The following UVSSA variants were observed in gnomAD, a reference collection of about 807,000 sequenced individuals.
The protein encoded by UVSSA is UV-stimulated scaffold protein A.
Under a neutral mutation model 73.9 loss-of-function variants are expected in UVSSA, and 72 were observed. That is an observed-to-expected ratio of 0.97 (90% confidence interval 0.81 to 1.19). The LOEUF is 1.19. Among genes scored for constraint, UVSSA ranks in the 50% most tolerant of loss-of-function variants. The pLI is 0.00. For synonymous variants in UVSSA, 454 were observed against 391.3 expected (o/e 1.16, Z -1.89); for missense variants, 1,150 against 965.0 (o/e 1.19, Z -2.54).
chr4:1,348,304 G>A, intron 2 of UVSSA, 115 bp downstream of exon 2: 2 of 799,330 alleles, frequency 2.5e-6, no homozygotes, highest in Non-Finnish European at 2.1e-6. Context: ...ACACACCCAG[G>A]ACATTTTCTC....
At chr4:1,357,668 C>T (rs1054637553) in intron 7 of UVSSA, among the ~76,000 whole-genome samples, 6 of 152,194 alleles carry the variant, frequency 3.9e-5, no homozygotes, top group African/African-American at 1.4e-4. Flanking sequence ...GCAGACTCCC[C>T]CTGTGTGCCA....
In UVSSA at chr4:1,375,418, C is replaced by T. The variant is rs201913293; in HGVS notation, c.1343C>T (p.Thr448Met). The T allele has an allele frequency of 1.6e-4, 256 of 1,613,428 alleles. 3 individuals are homozygous for T. The highest frequency in any genetic ancestry group is 3.3e-5 in the South Asian group (3 of 91,080). Residue 448 changes from threonine (T) to methionine (M), a missense_variant, in exon 9 of 14, where the codon ACG becomes ATG. Physicochemically the swap from Thr to Met is moderately conservative, Grantham distance 81. Coordinates refer to ENST00000389851, the MANE Select transcript of UVSSA (RefSeq NM_020894.4). ...DTVVRCLRTR[T>M]RMDEEVSDPT... ...GTTGTGCGGTGCTTGCGGACGAGGA[C>T]GAGGATGGACGAGGAGGTGTCGGAC...
At chr4:1,352,068 C>T (rs554488313) in intron 4 of UVSSA, among the ~76,000 whole-genome samples, 2 of 152,384 alleles carry the variant, frequency 1.3e-5, no homozygotes, top group East Asian at 3.9e-4. Flanking sequence ...GTTCGCTGCG[C>T]GGACCTCTGG....
At chr4:1,381,061 T>A in intron 12 of UVSSA, 73 bp downstream of exon 12, 1 of 1,407,586 alleles carries the variant, frequency 7.1e-7, no homozygotes, top group Non-Finnish European at 9.8e-7. Flanking sequence ...CCGGGGTGTG[T>A]CTGCAGAGTC....
chr4:1,357,341 G>C (rs967616810), intron 7 of UVSSA, among the ~76,000 whole-genome samples: 4 of 152,292 alleles, frequency 2.6e-5, no homozygotes, highest in African/African-American at 9.6e-5. Context: ...CAGCAGCAGT[G>C]CTGGGGCTGG....
At chr4:1,390,632 G>T (rs1463398215), downstream of UVSSA, 2 of 152,226 alleles carry the variant, frequency 1.3e-5, no homozygotes, top group East Asian at 3.8e-4. Context: ...AACATAGATT[G>T]TATGATTTCT....
At chr4:1,346,631 G>A (rs1367344332), upstream of UVSSA, among the ~76,000 whole-genome samples, 1 of 152,124 alleles carries the variant, frequency 6.6e-6, no homozygotes, top group Non-Finnish European at 1.5e-5. Flanking sequence ...GAGCGGGGAG[G>A]CGCCGCGGGG....
Position 1,385,902 on chromosome 4 carries a change from C to G in UVSSA, c.2071C>G (p.Arg691Gly), listed in dbSNP as rs940996021. Residue 691 changes from arginine (R) to glycine (G), a missense_variant, in exon 14 of 14, where the codon CGG (arginine) becomes GGG (glycine). Physicochemically the swap from Arg to Gly is moderately radical, Grantham distance 125 (BLOSUM62 -2). Transcript: ENST00000389851. ...AVRRVVAAMN[R>G]MDQKKHEKFS... Reference sequence around the variant, plus strand: ...GCGGAGGGTAGTGGCAGCCATGAACCGGATGGACCAGAAGAAGCACGAGAA... The same window carrying G: ...GCGGAGGGTAGTGGCAGCCATGAACGGGATGGACCAGAAGAAGCACGAGAA... 6 of 1,613,910 alleles carry G rather than the reference C, an allele frequency of 3.7e-6. No individual in the cohort carries two copies. In the Admixed American group the frequency reaches 8.3e-5, roughly 22 times the overall value.
At chr4:1,358,897 A>G (rs1882099) in intron 7 of UVSSA, among the ~76,000 whole-genome samples, 47,027 of 152,150 alleles carry the variant, frequency 0.31, 9,864 homozygotes, top group African/African-American at 0.57. Context: ...TCCAACTAAC[A>G]TGTAGGAGAT....
chr4:1,386,139 G>T lies in UVSSA; in HGVS notation c.*178G>T, dbSNP rs951181623. On this transcript the variant is annotated 3_prime_UTR_variant, in exon 14 of 14. Transcript: ENST00000389851. Reference sequence around the variant, plus strand: ...GGCCGCTCTGCTGCTACAGGGTTCGGCATCGTCTGGTGATGGGTCTGGCCT... The same window carrying T: ...GGCCGCTCTGCTGCTACAGGGTTCGTCATCGTCTGGTGATGGGTCTGGCCT... 5.8e-6 allele frequency: 4 copies of T among 685,488 alleles called. No homozygotes were observed. The highest frequency in any genetic ancestry group is 3.6e-5 in the South Asian group (2 of 56,178). 42.5% of individuals were successfully genotyped at this position (685,488 alleles called of 1,614,324 possible).
chr4:1,395,210 G>C, exon 14 of UVSSA: 1 of 1,453,408 alleles, frequency 6.9e-7, no homozygotes, highest in South Asian at 1.3e-5. Flanking sequence ...CTGCTCACAC[G>C]TGCCGATGCG....
At chr4:1,351,945 G>C in intron 4 of UVSSA, 110 bp downstream of exon 4, 4 of 1,513,260 alleles carry the variant, frequency 2.6e-6, no homozygotes, top group Non-Finnish European at 3.6e-6. Flanking sequence ...CAGGTTTTGA[G>C]ACAGGCTAGG....
chr4:1,368,453 G>T (rs1169284093), intron 8 of UVSSA, among the ~76,000 whole-genome samples: 1 of 152,256 alleles, frequency 6.6e-6, no homozygotes, highest in Non-Finnish European at 1.5e-5. Flanking sequence ...ATCAGAAGAG[G>T]TGAGGCTCCC....
At chr4:1,395,667 TCACA>T (rs749873551) in exon 14 of UVSSA, 277 of 1,554,736 alleles carry the variant, frequency 1.8e-4, no homozygotes, top group African/African-American at 2.5e-4. Context: ...GCCTGCCTGC[TCACA>T]CACGTGCCCA....
At chr4:1,376,509 C>T (rs903029284) in intron 10 of UVSSA, among the ~76,000 whole-genome samples, 3 of 152,326 alleles carry the variant, frequency 2.0e-5, no homozygotes, top group Admixed American at 6.5e-5. Flanking sequence ...CAGGACTGCA[C>T]GGTTGGCTGA....
At chr4:1,380,628 G>A (rs2109299408) in intron 11 of UVSSA, 1 of 1,515,422 alleles carries the variant, frequency 6.6e-7, no homozygotes, top group East Asian at 2.6e-5. Context: ...CATGCTGGAT[G>A]AGGGAGGCCT....
At chr4:1,351,591 G>A (rs1440718862) in intron 3 of UVSSA, 124 bp from the exon 4 acceptor site, 52 of 1,012,486 alleles carry the variant, frequency 5.1e-5, no homozygotes, top group Admixed American at 1.7e-4. Context: ...GGGTTTCACC[G>A]TGTTAGCCAG....
intron 5 of UVSSA, chr4:1,354,432 G>GCAC: frequency 2.4e-6 from 1 of 409,964 alleles, no homozygotes; most frequent in African/African-American, 2.0e-5. Flanking sequence ...TGGGGGCGGT[G>GCAC]AGTAGAAGAG....
Position 1,386,266 on chromosome 4 carries a change from G to T in UVSSA, c.*305G>T, listed in dbSNP as rs1479614769. On this transcript the variant is annotated 3_prime_UTR_variant, in exon 14 of 14. Transcript: ENST00000389851. ...TGAGACCAGTGCTTGTCGTGGTGTGGGGTTCAGCACGGACGGAATGTGTGT... is the reference window on the plus strand; with the variant it reads ...TGAGACCAGTGCTTGTCGTGGTGTGTGGTTCAGCACGGACGGAATGTGTGT... 5.6e-6 allele frequency: 2 copies of T among 357,996 alleles called. No homozygotes were observed. Among genetic ancestry groups the T allele is most frequent in the Non-Finnish European group, 1.1e-5 (2 of 188,028 alleles). 22.2% of individuals were successfully genotyped at this position (357,996 alleles called of 1,614,324 possible).
Sources: allele counts gnomAD v4.1 joint callset (sites outside exome capture counted in the v4.1 genomes callset), GRCh38; gene constraint gnomAD v4.1.1; transcripts MANE v1.5; gene names NCBI Gene and HGNC (gene_info 2026-07-23, HGNC 2026-07-21).